The following THADA variants were observed in gnomAD, a reference collection of about 807,000 sequenced individuals.
THADA encodes tRNA (32-2'-O)-methyltransferase regulator THADA.
Under a neutral mutation model 219.8 loss-of-function variants are expected in THADA, and 213 were observed. The ratio of observed to expected loss-of-function variants is 0.97; its 90% CI spans 0.87 to 1.09. The LOEUF is 1.09. Ranked by LOEUF, THADA falls within the 50% of genes least tolerant of loss-of-function variation. THADA has a pLI of 0.00. For synonymous variants in THADA, 1,018 were observed against 828.9 expected, an observed-to-expected ratio of 1.23 and a Z score of -3.92; for missense variants, 2,956 against 2,311.3, an observed-to-expected ratio of 1.28 and a Z score of -5.72.
intron 34 of THADA, 76 bp downstream of exon 34, chr2:43,291,620 C>A (rs374605404): frequency 1.9e-5 from 22 of 1,162,030 alleles, no homozygotes; most frequent in East Asian, 1.8e-4. Flanking sequence ...TAAGACTGTT[C>A]ACTTTTACTG....
At chr2:43,568,688 C>A (rs1466887630) in intron 14 of THADA, among the ~76,000 whole-genome samples, 2 of 152,172 alleles carry the variant, frequency 1.3e-5, no homozygotes, top group African/African-American at 4.8e-5. Context: ...ATTGTTAAAT[C>A]TACCAATGAT....
At chr2:43,344,382 G>C in intron 29 of THADA, 145 bp from the exon 30 acceptor site, 1 of 594,908 alleles carries the variant, frequency 1.7e-6, no homozygotes, top group East Asian at 3.0e-5. Flanking sequence ...TTGCAGAAAG[G>C]CATGTTGGTT....
chr2:43,387,378 G>A (rs1439809294), intron 29 of THADA, among the ~76,000 whole-genome samples: 2 of 152,182 alleles, frequency 1.3e-5, no homozygotes, highest in Admixed American at 6.5e-5. Flanking sequence ...TGGCTTATAT[G>A]TTCATAACAC....
At chr2:43,504,374 C>T (rs1344697742) in intron 24 of THADA, among the ~76,000 whole-genome samples, 1 of 152,142 alleles carries the variant, frequency 6.6e-6, no homozygotes, top group African/African-American at 2.4e-5. Flanking sequence ...CACATTCTGG[C>T]CCATGGGCTC....
At chr2:43,537,784 G>A (rs1694791170) in intron 21 of THADA, among the ~76,000 whole-genome samples, 1 of 148,990 alleles carries the variant, frequency 6.7e-6, no homozygotes, top group South Asian at 2.1e-4. Context: ...CTGGCAACAT[G>A]GTGAGATCCC....
At chr2:43,401,265 G>A (rs899296622) in intron 28 of THADA, among the ~76,000 whole-genome samples, 2 of 152,096 alleles carry the variant, frequency 1.3e-5, no homozygotes, top group African/African-American at 4.8e-5. Context: ...TCAATACTGT[G>A]TGACATGAGA....
chr2:43,349,016 G>A lies in THADA; in HGVS notation c.4228-4779C>T, dbSNP rs371454162. Among the ~76,000 whole-genome samples, 22 of 152,236 alleles carry A rather than the reference G, an allele frequency of 1.4e-4. 1 individual carries two copies. Among genetic ancestry groups the A allele is most frequent in the Admixed American group, 4.6e-4 (7 of 15,296 alleles). ...GGAGAAAGCTTTGTTGCCCTAAGAT[G>A]GTTATGACCCAATCAGAAAAAGACT... is the stretch of plus-strand genomic sequence containing the variant. On this transcript the variant is annotated intron_variant, in intron 29 of 37. Transcript: ENST00000405975.
At chr2:43,559,220 C>T (rs1201556198) in intron 16 of THADA, among the ~76,000 whole-genome samples, 1 of 152,208 alleles carries the variant, frequency 6.6e-6, no homozygotes, top group East Asian at 1.9e-4. Flanking sequence ...AGGGAACTTT[C>T]TGCTCACAAG....
Position 43,577,030 on chromosome 2 carries a change from C to G in THADA, c.1029G>C (p.Leu343Phe). The change falls in exon 10 of 38, where the codon TTG becomes TTC. Residue 343 changes from leucine to phenylalanine, a missense_variant. Coordinates refer to ENST00000405975, the MANE Select transcript of THADA (RefSeq NM_022065.5). ...LLDTAHVLFT[L>F]SSQIKEPTLE... ...ATAGCATCAAAACTCACTGTGAACT[C>G]AAGGTGAACAAAACATGTGCAGTAT... 2 of 1,612,396 alleles carry G rather than the reference C, an allele frequency of 1.2e-6. No homozygotes were observed. Among genetic ancestry groups the G allele is most frequent in the Non-Finnish European group, 1.7e-6 (2 of 1,179,268 alleles).
chr2:43,273,702 C>T (rs915921488), intron 36 of THADA, among the ~76,000 whole-genome samples: 6 of 152,158 alleles, frequency 3.9e-5, no homozygotes, highest in African/African-American at 1.4e-4. Context: ...TGAAGTCCCA[C>T]AGGGCTGGGG....
intron 27 of THADA, among the ~76,000 whole-genome samples, chr2:43,429,098 T>C (rs1384412058): frequency 7.5e-6 from 1 of 133,112 alleles, no homozygotes; most frequent in African/African-American, 2.7e-5. Flanking sequence ...AGCTTCAGAA[T>C]GTGTGTGTGT....
intron 12 of THADA, 42 bp from the exon 13 acceptor site, chr2:43,571,904 T>C (rs1699347837): frequency 3.8e-6 from 6 of 1,591,910 alleles, no homozygotes; most frequent in South Asian, 2.2e-5. Context: ...TTCCAAGAAA[T>C]AAGCAAAGCC....
At chr2:43,576,757 C>G (rs908353760) in intron 10 of THADA, among the ~76,000 whole-genome samples, 2 of 152,130 alleles carry the variant, frequency 1.3e-5, no homozygotes, top group African/African-American at 4.8e-5. Flanking sequence ...TGGGCTCAAG[C>G]AATGTTCTCA....
At chr2:43,391,150 A>C (rs1243821490) in intron 29 of THADA, among the ~76,000 whole-genome samples, 1 of 152,122 alleles carries the variant, frequency 6.6e-6, no homozygotes, top group Admixed American at 6.6e-5. Flanking sequence ...GGTACATCAC[A>C]CTCACACACA....
At chr2:43,461,997 G>T (rs78229457) in intron 26 of THADA, among the ~76,000 whole-genome samples, 6 of 152,132 alleles carry the variant, frequency 3.9e-5, no homozygotes, top group Admixed American at 6.6e-5. Context: ...TTAAACCCAA[G>T]CTTTAATCTA....
chr2:43,256,298 A>C (rs1670302634), intron 36 of THADA, among the ~76,000 whole-genome samples: 1 of 151,316 alleles, frequency 6.6e-6, no homozygotes, highest in African/African-American at 2.4e-5. Flanking sequence ...TCACTTGAGC[A>C]CAGGAGTTTG....
At chr2:43,295,786 A>G (rs957177416) in intron 31 of THADA, among the ~76,000 whole-genome samples, 3 of 152,206 alleles carry the variant, frequency 2.0e-5, no homozygotes, top group Non-Finnish European at 4.4e-5. Context: ...ATTTAAAAAT[A>G]TAGAGTATTT....
rs188627518 is a variant in THADA at position 43,383,777 on chromosome 2, T to A, written c.4227+14194A>T. On this transcript the variant is annotated intron_variant, in intron 29 of 37. Transcript: ENST00000405975. ...ACTGTGCCTGACCTCAGGAAATGAG[T>A]GCTTACTAACACTCCACAGCAACCT... is the stretch of plus-strand genomic sequence containing the variant. Among the ~76,000 whole-genome samples, 3 of 152,176 alleles carry A rather than the reference T, an allele frequency of 2.0e-5. No individual in the cohort carries two copies. In the East Asian group the frequency reaches 5.8e-4, roughly 29 times the overall value.
intron 26 of THADA, among the ~76,000 whole-genome samples, chr2:43,470,886 G>C (rs1015284606): frequency 6.6e-6 from 1 of 152,204 alleles, no homozygotes; most frequent in Non-Finnish European, 1.5e-5. Context: ...GCAAGGAAGA[G>C]ATAATCTCAG....
Sources: allele counts gnomAD v4.1 joint callset (sites outside exome capture counted in the v4.1 genomes callset), GRCh38; gene constraint gnomAD v4.1.1; transcripts MANE v1.5; gene names NCBI Gene and HGNC (gene_info 2026-07-23, HGNC 2026-07-21).